The following ZC3H14 variants were observed in gnomAD, a reference collection of about 807,000 sequenced individuals.
ZC3H14 encodes zinc finger CCCH domain-containing protein 14.
In ZC3H14, 31 loss-of-function variants were observed where a neutral mutation model predicts 92.4. The observed-to-expected ratio is 0.34, with a 90% CI of 0.25 to 0.45. The LOEUF (loss-of-function observed/expected upper bound fraction) is 0.45, where lower values mean the gene tolerates loss of function less well. Among genes scored for constraint, ZC3H14 ranks in the 20% least tolerant of loss-of-function variants. The probability of loss-of-function intolerance (pLI) is 1.00; values close to 1 mark genes in which losing one functional copy is unlikely to be tolerated. For synonymous variants in ZC3H14, 321 were observed against 300.9 expected (o/e 1.07, Z -0.69); for missense variants, 781 against 897.3 (o/e 0.87, Z 1.66).
At chr14:88,596,130 A>G (rs2083789276) in intron 9 of ZC3H14, among the ~76,000 whole-genome samples, 1 of 152,234 alleles carries the variant, frequency 6.6e-6, no homozygotes, top group South Asian at 2.1e-4. Flanking sequence ...AGAAATAAGT[A>G]GTTGAACATC....
rs569083906 is a variant in ZC3H14 at position 88,616,171 on chromosome 14, A to G, written c.*4420A>G. ...AGTCATCACCTCCAGCACTAACAAC[A>G]TGTCGATCACCACTGGTAAATCGAA... is the stretch of plus-strand genomic sequence containing the variant. On this transcript the variant is annotated 3_prime_UTR_variant, in exon 17 of 17. Coordinates refer to ENST00000251038, the MANE Select transcript of ZC3H14 (RefSeq NM_024824.5). 1.6e-5 allele frequency: 26 copies of G among 1,613,956 alleles called. No individual in the cohort carries two copies. In the South Asian group the frequency reaches 2.1e-4, roughly 13 times the overall value.
At chr14:88,567,261 G>A (rs1021184687) in intron 2 of ZC3H14, among the ~76,000 whole-genome samples, 7 of 151,314 alleles carry the variant, frequency 4.6e-5, no homozygotes, top group Admixed American at 2.0e-4. Flanking sequence ...GACTATAGGC[G>A]CTCACCACCA....
At chr14:88,584,803 G>T (rs553060211) in intron 9 of ZC3H14, among the ~76,000 whole-genome samples, 48 of 152,284 alleles carry the variant, frequency 3.2e-4, no homozygotes, top group African/African-American at 1.1e-3. Flanking sequence ...TGCTACTGGT[G>T]ATGCTGGACA....
At chr14:88,600,717 G>T (rs1328092855) in intron 10 of ZC3H14, among the ~76,000 whole-genome samples, 1 of 152,108 alleles carries the variant, frequency 6.6e-6, no homozygotes, top group Non-Finnish European at 1.5e-5. Flanking sequence ...CTCCCAGAAT[G>T]TTGGGATTAC....
intron 7 of ZC3H14, 87 bp downstream of exon 7, chr14:88,574,940 TTTTG>T: frequency 6.3e-7 from 1 of 1,585,250 alleles, no homozygotes; most frequent in Non-Finnish European, 8.6e-7. Flanking sequence ...CGAAAATAAT[TTTTG>T]TTTGTTTTTT....
chr14:88,594,839 A>G (rs974167978), intron 9 of ZC3H14: 12 of 1,613,994 alleles, frequency 7.4e-6, no homozygotes, highest in Non-Finnish European at 1.0e-5. Flanking sequence ...GAGCTAGACA[A>G]TATTTCCCAC....
intron 13 of ZC3H14, among the ~76,000 whole-genome samples, 172 bp downstream of exon 13, chr14:88,607,535 C>G (rs1202303726): frequency 6.9e-6 from 1 of 144,312 alleles, no homozygotes; most frequent in South Asian, 2.4e-4. Flanking sequence ...CCTGCAAGTA[C>G]CATCCCATTT....
intron 8 of ZC3H14, among the ~76,000 whole-genome samples, chr14:88,576,783 A>C (rs2081218377): frequency 2.6e-5 from 4 of 151,718 alleles, no homozygotes; most frequent in African/African-American, 9.7e-5. Context: ...TGTAGCCATC[A>C]GTTTTTTTAT....
In ZC3H14 at chr14:88,615,473, A is replaced by C. The variant is rs557278719; in HGVS notation, c.*3722A>C. 71 of 228,958 alleles carry C rather than the reference A, an allele frequency of 3.1e-4. No individual in the cohort carries two copies. Among genetic ancestry groups the C allele is most frequent in the Non-Finnish European group, 4.6e-4 (54 of 118,528 alleles). The allele number at this position is 228,958 out of a possible 1,614,324, so 14.2% of individuals were successfully genotyped here. ...TAAAAAGATAATGAAAATTATCCAAATTGGGTTTTTGAGTTCTTCTGTAAA... is the reference window on the plus strand; with the variant it reads ...TAAAAAGATAATGAAAATTATCCAACTTGGGTTTTTGAGTTCTTCTGTAAA... On this transcript the variant is annotated 3_prime_UTR_variant, in exon 17 of 17. Transcript: ENST00000251038.
chr14:88,568,206 T>A, intron 3 of ZC3H14, 53 bp downstream of exon 3: 1 of 1,456,662 alleles, frequency 6.9e-7, no homozygotes, highest in South Asian at 1.2e-5. Context: ...AAGCCTGAGT[T>A]GATATTCTGT....
chr14:88,563,267 C>T, intron 1 of ZC3H14, 98 bp downstream of exon 1: 1 of 1,540,934 alleles, frequency 6.5e-7, no homozygotes, highest in Non-Finnish European at 8.7e-7. Flanking sequence ...ACGCCGCGGC[C>T]TGGCCTCCGC....
In ZC3H14 at chr14:88,611,879, T is replaced by C; in HGVS notation, c.*128T>C. The C allele has an allele frequency of 7.7e-7, 1 of 1,297,812 alleles. No individual in the cohort carries two copies. Among genetic ancestry groups the C allele is most frequent in the Admixed American group, 1.9e-5 (1 of 52,656 alleles). The allele number at this position is 1,297,812 out of a possible 1,614,324, so 80.4% of individuals were successfully genotyped here. A position where few individuals can be genotyped will look rare whatever the true frequency, so the allele number is the denominator to read the frequency against. ...TTGCTTTCATAATATGAAGTTTTAT[T>C]GCCTATCTATCTGAAGTGTCTAATT... On this transcript the variant is annotated 3_prime_UTR_variant, in exon 17 of 17. Coordinates refer to ENST00000251038, the MANE Select transcript of ZC3H14 (RefSeq NM_024824.5).
chr14:88,590,180 C>T (rs1401838104), intron 9 of ZC3H14: 1 of 152,062 alleles, frequency 6.6e-6, no homozygotes, highest in South Asian at 2.1e-4. Context: ...GCCTTGGTTA[C>T]TTGATTATTG....
chr14:88,574,863 A>G lies in ZC3H14; in HGVS notation c.1022+10A>G. 2 of 1,614,182 alleles carry G rather than the reference A, an allele frequency of 1.2e-6. No homozygotes were observed. The highest frequency in any genetic ancestry group is 8.5e-7 in the Non-Finnish European group (1 of 1,180,002). ...CAAAGCCTGAAAGGAGGTACCTTGA[A>G]CATGGCTGTAAATTAATCTTTAACT... On this transcript the variant is annotated intron_variant, in intron 7 of 16. Coordinates refer to ENST00000251038, the MANE Select transcript of ZC3H14 (RefSeq NM_024824.5).
At chr14:88,573,366 C>T (rs1353823202) in intron 6 of ZC3H14, among the ~76,000 whole-genome samples, 1 of 151,686 alleles carries the variant, frequency 6.6e-6, no homozygotes, top group Non-Finnish European at 1.5e-5. Flanking sequence ...GGCAACAGAG[C>T]GAGACTCCGT....
At chr14:88,598,018 CTTTGTTA>C (rs1165720123) in intron 10 of ZC3H14, among the ~76,000 whole-genome samples, 1 of 152,024 alleles carries the variant, frequency 6.6e-6, no homozygotes, top group Non-Finnish European at 1.5e-5. Flanking sequence ...ACACAATACT[CTTTGTTA>C]TTTCTCTGTG....
chr14:88,584,711 G>A (rs2082277621), intron 9 of ZC3H14, among the ~76,000 whole-genome samples: 1 of 152,162 alleles, frequency 6.6e-6, no homozygotes, highest in Non-Finnish European at 1.5e-5. Flanking sequence ...GCAGTGAAAG[G>A]TGATCTCGCA....
intron 10 of ZC3H14, among the ~76,000 whole-genome samples, chr14:88,601,076 C>G (rs371725996): frequency 1.3e-5 from 2 of 152,096 alleles, no homozygotes; most frequent in African/African-American, 4.8e-5. Flanking sequence ...GTGGGCTGTT[C>G]TGTATTCTCA....
In ZC3H14 at chr14:88,608,980, A is replaced by AAT. The variant is rs1202360460; in HGVS notation, c.1869-281_1869-280dup. On this transcript the variant is annotated intron_variant, in intron 13 of 16. Transcript: ENST00000251038. ...TTGTATTAATGAGTTCACTGCATAA[A>AAT]ATATATACCTTTTTTATTAAGTGGT... 6.8e-5 allele frequency: 28 copies of AAT among 410,508 alleles called. No individual in the cohort carries two copies. The East Asian group carries it at 1.3e-3, about 20-fold the overall frequency. 25.4% of individuals were successfully genotyped at this position (410,508 alleles called of 1,614,324 possible).
Sources: gnomAD v4.1 joint callset for allele counts (sites outside exome capture counted in the v4.1 genomes callset) on GRCh38, gnomAD v4.1.1 for gene constraint, MANE v1.5 for transcripts, NCBI Gene and HGNC (gene_info 2026-07-23, HGNC 2026-07-21) for gene names.